KMT2B: variants seen among roughly 807,000 people sequenced by gnomAD.
KMT2B encodes the protein lysine methyltransferase 2B.
A neutral mutation model predicts 255.3 loss-of-function variants in KMT2B; 22 were observed. The ratio of observed to expected loss-of-function variants is 0.09; its 90% CI spans 0.06 to 0.12. The LOEUF (loss-of-function observed/expected upper bound fraction) is 0.12, where lower values mean the gene tolerates loss of function less well. Among genes scored for constraint, KMT2B ranks in the 10% least tolerant of loss-of-function variants. The probability of loss-of-function intolerance (pLI) is 1.00; values close to 1 mark genes in which losing one functional copy is unlikely to be tolerated. For missense variants in KMT2B, 3,149 were observed against 3,737.0 expected (o/e 0.84, Z 4.10); for synonymous variants, 1,730 against 1,498.1 (o/e 1.15, Z -3.57).
At chr19:35,724,040 A>G (rs752241112) in intron 8 of KMT2B, 33 bp downstream of exon 8, 3 of 1,536,810 alleles carry the variant, frequency 2.0e-6, no homozygotes, top group Middle Eastern at 1.8e-4. Context: ...TCTGTTGATC[A>G]TTTATTTGGT....
At position 35,725,780 on chromosome 19, in the gene KMT2B, A is replaced by G. The variant is rs750707578; in HGVS notation, c.3847A>G (p.Ser1283Gly). The G allele has an allele frequency of 6.3e-7, 1 of 1,597,460 alleles. No individual in the cohort carries two copies. Among genetic ancestry groups the G allele is most frequent in the East Asian group, 2.3e-5 (1 of 43,808 alleles). ...HAYHPACLGP[S>G]YPTRATRKRR... is the part of the protein sequence containing the mutation. ...ATACCACCCGGCCTGTCTGGGGCCC[A>G]GCTATCCAACCCGGGCCACGCGCAA... The change falls in exon 13 of 37, where the codon AGC becomes GGC. Residue 1283 changes from serine (S) to glycine (G), a missense_variant. Physicochemically the swap from Ser to Gly is moderately conservative, Grantham distance 56. Coordinates refer to ENST00000420124, the MANE Select transcript of KMT2B (RefSeq NM_014727.3). This position sits in a 1 kb window ranked among gnomAD's most constrained non-coding sequence, Gnocchi z 4.1.
Position 35,728,951 on chromosome 19 carries a change from G to C in KMT2B, c.4688-34G>C, listed in dbSNP as rs543905274. 48 of 1,613,434 alleles carry C rather than the reference G, an allele frequency of 3.0e-5. No homozygotes were observed. In the East Asian group the frequency reaches 9.8e-4, roughly 33 times the overall value. On this transcript the variant is annotated intron_variant, in intron 20 of 36. Transcript: ENST00000420124. ...TGTTGGTGGCCTGGCTCCGGGTCCT[G>C]ATTCTTAGACCTCCCTTCACATTTC...
chr19:35,733,084 C>A lies in KMT2B; in HGVS notation c.6535C>A (p.Pro2179Thr), dbSNP rs766396530. The A allele has an allele frequency of 3.8e-6, 6 of 1,567,640 alleles. No individual in the cohort carries two copies. Among genetic ancestry groups the A allele is most frequent in the Non-Finnish European group, 5.2e-6 (6 of 1,156,104 alleles). Residue 2179 changes from proline (P) to threonine (T), a missense_variant, in exon 28 of 37, where the codon CCT becomes ACT. Coordinates refer to ENST00000420124, the MANE Select transcript of KMT2B (RefSeq NM_014727.3). This position sits in a 1 kb window ranked among gnomAD's most constrained non-coding sequence, Gnocchi z 4.3. ...AGGGGTCCGGGTGTTAAGCCTTGGCCCTGCCCCTGAGCCCCCCAAACCCGC... is the reference window on the plus strand; with the variant it reads ...AGGGGTCCGGGTGTTAAGCCTTGGCACTGCCCCTGAGCCCCCCAAACCCGC... ...APGVRVLSLG[P>T]APEPPKPATS...
rs752389271 is a variant in KMT2B, at chr19:35,723,142, A to G, written c.2870A>G (p.His957Arg). 11 of 1,613,322 alleles carry G rather than the reference A, an allele frequency of 6.8e-6. No individual in the cohort carries two copies. Among genetic ancestry groups the G allele is most frequent in the Non-Finnish European group, 8.5e-7 (1 of 1,179,856 alleles). ...CCCCGGCGCTCACTGCCCTCCCATC[A>G]CGGCAAGAAGATGCGCATGGCTCGA... Reference protein sequence around the residue: ...HTPRRSLPSHHGKKMRMARCG... With the variant: ...HTPRRSLPSHRGKKMRMARCG... Residue 957 changes from histidine to arginine, a missense_variant, in exon 6 of 37, where the codon CAC becomes CGC. This residue lies in a region of KMT2B where 132 missense variants were observed against 174.7 expected (regional missense o/e 0.76). Transcript: ENST00000420124. This position sits in a 1 kb window ranked among gnomAD's most constrained non-coding sequence, Gnocchi z 7.5.
chr19:35,728,060 G>A, intron 18 of KMT2B, 38 bp from the exon 19 acceptor site: 1 of 1,569,812 alleles, frequency 6.4e-7, no homozygotes, highest in Admixed American at 1.9e-5. Context: ...CTCTCCTGGG[G>A]AAGCTGGCTC....
rs1433052849 is a variant in KMT2B, at chr19:35,727,159, A to G, written c.4007A>G (p.Asn1336Ser). 1.2e-6 allele frequency: 2 copies of G among 1,610,188 alleles called. No individual in the cohort carries two copies. The highest frequency in any genetic ancestry group is 2.2e-5 in the East Asian group (1 of 44,822). Residue 1336 changes from asparagine to serine, a missense_variant, in exon 15 of 37, where the codon AAC becomes AGC. This residue lies in a region of KMT2B where 377 missense variants were observed against 471.0 expected (regional missense o/e 0.80). Transcript: ENST00000420124. This position sits in a 1 kb window ranked among gnomAD's most constrained non-coding sequence, Gnocchi z 4.2. Reference sequence around the variant, plus strand: ...TCCTTCTCTTCCCTTTCTCTAGGAAACTACTGCCCGATCTGTACACGCTGC... The same window carrying G: ...TCCTTCTCTTCCCTTTCTCTAGGAAGCTACTGCCCGATCTGTACACGCTGC... ...PRCTQLYEKG[N>S]YCPICTRCYE...
At position 35,732,021 on chromosome 19, in the gene KMT2B, A is replaced by G; in HGVS notation, c.5551A>G (p.Ser1851Gly). The change falls in exon 27 of 37, where the codon AGC becomes GGC. Residue 1851 changes from serine (S) to glycine (G), a missense_variant. Coordinates refer to ENST00000420124, the MANE Select transcript of KMT2B (RefSeq NM_014727.3). ...CCCTCCACTGCGGCCAGATTCAGGC[A>G]GCGCCCCTCCTCCAGCCCCCCGTTC... ...LDPPLRPDSG[S>G]APPPAPRSFS... 1 of 1,613,550 alleles carries G rather than the reference A, an allele frequency of 6.2e-7. No individual in the cohort carries two copies.
Position 35,732,145 on chromosome 19 carries a change from G to A in KMT2B, c.5665+10G>A, listed in dbSNP as rs781171331. ...CCCCTGCCCTCCCCTGGTGAGCACCGGGCATGTGGGGGTTGGGGGTGGAGC... is the reference window on the plus strand; with the variant it reads ...CCCCTGCCCTCCCCTGGTGAGCACCAGGCATGTGGGGGTTGGGGGTGGAGC... On this transcript the variant is annotated intron_variant, in intron 27 of 36. Transcript: ENST00000420124. The A allele has an allele frequency of 1.0e-5, 16 of 1,578,530 alleles. No homozygotes were observed. Among genetic ancestry groups the A allele is most frequent in the Admixed American group, 1.8e-5 (1 of 55,262 alleles).
rs1270944810 is a variant in KMT2B, at chr19:35,732,130, C to A, written c.5660C>A (p.Ser1887Tyr). ...LGGVSFGPLP[S>Y]PGSPSSLTHH... Reference sequence around the variant, plus strand: ...GGTGTCTCCTTTGGCCCCCTGCCCTCCCCTGGTGAGCACCGGGCATGTGGG... The same window carrying A: ...GGTGTCTCCTTTGGCCCCCTGCCCTACCCTGGTGAGCACCGGGCATGTGGG... The change falls in exon 27 of 37, where the codon TCC (serine) becomes TAC (tyrosine). Residue 1887 changes from serine to tyrosine, a missense_variant. Ser to Tyr is a moderately radical substitution (Grantham distance 144, BLOSUM62 -2). Around this residue, in one of 18 missense-constraint regions of KMT2B, gnomAD observed 897 missense variants for 825.3 expected, o/e 1.09. Coordinates refer to ENST00000420124, the MANE Select transcript of KMT2B (RefSeq NM_014727.3). The A allele has an allele frequency of 6.3e-7, 1 of 1,590,704 alleles. No homozygotes were observed. Among genetic ancestry groups the A allele is most frequent in the Non-Finnish European group, 8.6e-7 (1 of 1,168,668 alleles).
In KMT2B at chr19:35,727,284, C is replaced by G. The variant is rs781266147; in HGVS notation, c.4117+15C>G. ...GGGGCTCTCAGGTGAGTCAGTGGAGCACCTGGGCTGCAGCCTCAACCCTGT... is the reference window on the plus strand; with the variant it reads ...GGGGCTCTCAGGTGAGTCAGTGGAGGACCTGGGCTGCAGCCTCAACCCTGT... On this transcript the variant is annotated intron_variant, in intron 15 of 36. Coordinates refer to ENST00000420124, the MANE Select transcript of KMT2B (RefSeq NM_014727.3). This position sits in a 1 kb window ranked among gnomAD's most constrained non-coding sequence, Gnocchi z 4.2. 1 of 1,603,924 alleles carries G rather than the reference C, an allele frequency of 6.2e-7. No homozygotes were observed. Among genetic ancestry groups the G allele is most frequent in the East Asian group, 2.2e-5 (1 of 44,826 alleles).
Position 35,733,656 on chromosome 19 carries a change from C to T in KMT2B, c.7019C>T (p.Pro2340Leu), listed in dbSNP as rs767396615. 5.6e-6 allele frequency: 9 copies of T among 1,600,364 alleles called. No individual in the cohort carries two copies. The highest frequency in any genetic ancestry group is 1.3e-5 in the African/African-American group (1 of 74,636). Reference protein sequence around the residue: ...TVRGVLDLDRPGEPAGEESPG... With the variant: ...TVRGVLDLDRLGEPAGEESPG... ...CGTGGGGTCCTTGACCTGGATCGGCCTGGGGAGCCCGCTGGGGAAGAAAGT... is the reference window on the plus strand; with the variant it reads ...CGTGGGGTCCTTGACCTGGATCGGCTTGGGGAGCCCGCTGGGGAAGAAAGT... The change falls in exon 29 of 37, where the codon CCT becomes CTT. Residue 2340 changes from proline to leucine, a missense_variant. This residue lies in a region of KMT2B where 897 missense variants were observed against 825.3 expected (regional missense o/e 1.09). Coordinates refer to ENST00000420124, the MANE Select transcript of KMT2B (RefSeq NM_014727.3). This position sits in a 1 kb window ranked among gnomAD's most constrained non-coding sequence, Gnocchi z 4.3.
Position 35,738,241 on chromosome 19 carries a change from G to A in KMT2B, c.7873-41G>A, listed in dbSNP as rs375482308. 2.8e-5 allele frequency: 44 copies of A among 1,593,076 alleles called. 1 individual carries two copies. Among genetic ancestry groups the A allele is most frequent in the Middle Eastern group, 1.7e-4 (1 of 6,056 alleles). ...GACAGTGGGTGAAGCGAGCCTGTCC[G>A]CGGGGACAGAGCACCTGATCTCCCC... is the stretch of plus-strand genomic sequence containing the variant. On this transcript the variant is annotated intron_variant, in intron 36 of 36. Transcript: ENST00000420124. The surrounding 1 kb of genome is among the most constrained non-coding windows in gnomAD (Gnocchi z 8.7).
At position 35,725,698 on chromosome 19, in the gene KMT2B, C is replaced by T. The variant is rs1184869037; in HGVS notation, c.3790-25C>T. 6.2e-7 allele frequency: 1 copy of T among 1,612,980 alleles called. No individual in the cohort carries two copies. The highest frequency in any genetic ancestry group is 1.1e-5 in the South Asian group (1 of 91,014). ...GGCATCCCTGTGCCAGCAGGTTTCG[C>T]CATCTCTGTCTCCACATCCAACAGC... On this transcript the variant is annotated intron_variant, in intron 12 of 36. Transcript: ENST00000420124. This position sits in a 1 kb window ranked among gnomAD's most constrained non-coding sequence, Gnocchi z 4.1.
In KMT2B at chr19:35,719,391, T is replaced by G. The variant is rs1969089915; in HGVS notation, c.364-78T>G. 3 of 1,049,150 alleles carry G rather than the reference T, an allele frequency of 2.9e-6. No homozygotes were observed. In the East Asian group the frequency reaches 7.8e-5, roughly 27 times the overall value. The allele number at this position is 1,049,150 out of a possible 1,614,324, so 65.0% of individuals were successfully genotyped here. A position where few individuals can be genotyped will look rare whatever the true frequency, so the allele number is the denominator to read the frequency against. ...GTATGCTAAGTGGGAACTGGGGATA[T>G]TCCTCGATACCTCAGATGGAACGAG... On this transcript the variant is annotated intron_variant, in intron 1 of 36. Transcript: ENST00000420124.
chr19:35,722,860 G>C, intron 5 of KMT2B, 135 bp from the exon 6 acceptor site: 1 of 1,418,148 alleles, frequency 7.1e-7, no homozygotes, highest in Non-Finnish European at 9.3e-7. Flanking sequence ...CTAGGTCCTA[G>C]AGCAACTTCA....
In KMT2B at chr19:35,737,459, A is replaced by T; in HGVS notation, c.7551-177A>T. 1 of 761,186 alleles carries T rather than the reference A, an allele frequency of 1.3e-6. No homozygotes were observed. The highest frequency in any genetic ancestry group is 2.7e-5 in the East Asian group (1 of 36,660). The allele number at this position is 761,186 out of a possible 1,614,324, so 47.2% of individuals were successfully genotyped here. ...CACTTTGGGAGGCCGAGGCAGGAGG[A>T]TCGCATGAGCCCAGGAGTTGGAGAC... On this transcript the variant is annotated intron_variant, in intron 33 of 36. Coordinates refer to ENST00000420124, the MANE Select transcript of KMT2B (RefSeq NM_014727.3). The surrounding 1 kb of genome is among the most constrained non-coding windows in gnomAD (Gnocchi z 5.3).
chr19:35,736,957 A>G lies in KMT2B; in HGVS notation c.7343A>G (p.His2448Arg). ...GAGAAAGTGCAAGAGGCCCGAGGGC[A>G]TGCCCGACTCAGACATCTCTCCTTT... ...LIEKVQEARG[H>R]ARLRHLSFSG... is the part of the protein sequence containing the mutation. The change falls in exon 32 of 37, where the codon CAT becomes CGT. Residue 2448 changes from histidine (H) to arginine (R), a missense_variant. Coordinates refer to ENST00000420124, the MANE Select transcript of KMT2B (RefSeq NM_014727.3). 4 of 1,613,916 alleles carry G rather than the reference A, an allele frequency of 2.5e-6. No individual in the cohort carries two copies. The highest frequency in any genetic ancestry group is 3.4e-6 in the Non-Finnish European group (4 of 1,179,852).
Position 35,723,159 on chromosome 19 carries a change from A to G in KMT2B, c.2887A>G (p.Met963Val), listed in dbSNP as rs1347062435. 1.9e-6 allele frequency: 3 copies of G among 1,613,484 alleles called. No homozygotes were observed. The highest frequency in any genetic ancestry group is 1.3e-5 in the African/African-American group (1 of 75,038). Residue 963 changes from methionine (M) to valine (V), a missense_variant, in exon 6 of 37, where the codon ATG becomes GTG. Coordinates refer to ENST00000420124, the MANE Select transcript of KMT2B (RefSeq NM_014727.3). This position sits in a 1 kb window ranked among gnomAD's most constrained non-coding sequence, Gnocchi z 7.5. Reference protein sequence around the residue: ...LPSHHGKKMRMARCGHCRGCL... With the variant: ...LPSHHGKKMRVARCGHCRGCL... ...CTCCCATCACGGCAAGAAGATGCGC[A>G]TGGCTCGATGTGGACACTGTCGGGG...
In KMT2B at chr19:35,737,417, C is replaced by A; in HGVS notation, c.7550+154C>A. 2 of 946,538 alleles carry A rather than the reference C, an allele frequency of 2.1e-6. No homozygotes were observed. Among genetic ancestry groups the A allele is most frequent in the Non-Finnish European group, 3.0e-6 (2 of 657,038 alleles). The allele number at this position is 946,538 out of a possible 1,614,324, so 58.6% of individuals were successfully genotyped here. On this transcript the variant is annotated intron_variant, in intron 33 of 36. Transcript: ENST00000420124. The surrounding 1 kb of genome is among the most constrained non-coding windows in gnomAD (Gnocchi z 5.3). The stretch of plus-strand genomic sequence containing the variant: ...CTAGAGTTAGCCAGGCTCCGTGGCT[C>A]ATGCCTGTAATCCCGCCACTTTGGG...
Sources: gnomAD v4.1 joint callset for allele counts on GRCh38, gnomAD v4.1.1 for gene constraint, gnomAD v4.1.1 regional missense constraint, Gnocchi (gnomAD v3.1) non-coding constraint, MANE v1.5 for transcripts, NCBI Gene and HGNC (gene_info 2026-07-23, HGNC 2026-07-21) for gene names.